The following ANKRD16 variants were observed in gnomAD, a reference collection of about 807,000 sequenced individuals.
ANKRD16 encodes ankyrin repeat domain 16.
A neutral mutation model predicts 37.9 loss-of-function variants in ANKRD16; 35 were observed. The ratio of observed to expected loss-of-function variants is 0.92; its 90% CI spans 0.71 to 1.23. The LOEUF is 1.23. Among genes scored for constraint, ANKRD16 ranks in the 50% most tolerant of loss-of-function variants. The probability of loss-of-function intolerance (pLI) is 0.00; values close to 1 mark genes in which losing one functional copy is unlikely to be tolerated. For missense variants in ANKRD16, 480 were observed against 469.9 expected (o/e 1.02, Z -0.20); for synonymous variants, 206 against 197.2 (o/e 1.04, Z -0.37).
chr10:5,882,416 C>T (rs932439439), intron 5 of ANKRD16, among the ~76,000 whole-genome samples: 9 of 151,566 alleles, frequency 5.9e-5, no homozygotes, highest in Non-Finnish European at 1.2e-4. Context: ...GTGGCAGGCA[C>T]CTGTAATCCA....
chr10:5,872,911 A>C (rs1350829178), intron 7 of ANKRD16, among the ~76,000 whole-genome samples: 1 of 151,136 alleles, frequency 6.6e-6, no homozygotes, highest in Admixed American at 6.6e-5. Context: ...CCCAGGCTGG[A>C]GTGCAGTGGT....
rs1842040412 is a variant in ANKRD16 at position 5,868,010 on chromosome 10, A to G, written c.*34-5319T>C. Among the ~76,000 whole-genome samples, 1 of 152,204 alleles carries G rather than the reference A, an allele frequency of 6.6e-6. No homozygotes were observed. Among genetic ancestry groups the G allele is most frequent in the Non-Finnish European group, 1.5e-5 (1 of 68,036 alleles). On this transcript the variant is annotated intron_variant, in intron 7 of 7. Transcript: ENST00000380094. The surrounding 1 kb of genome is among the most constrained non-coding windows in gnomAD (Gnocchi z 4.9). ...AGATGCCGCCTGGCGTTTACAGGAA[A>G]AGGCTTCTGAAATCAGACAACGCCT...
intron 1 of ANKRD16, among the ~76,000 whole-genome samples, chr10:5,888,620 G>A (rs1220019840): frequency 1.3e-5 from 2 of 152,254 alleles, no homozygotes; most frequent in South Asian, 2.1e-4. Flanking sequence ...ACACACGAGC[G>A]CGTGTATAAC....
At chr10:5,884,209 T>A in intron 3 of ANKRD16, 132 bp from the exon 4 acceptor site, 1 of 660,742 alleles carries the variant, frequency 1.5e-6, no homozygotes, top group Non-Finnish European at 2.6e-6. Flanking sequence ...CTCTCTATTC[T>A]CCCCCATCTC....
chr10:5,877,734 C>T (rs548285014), intron 7 of ANKRD16, among the ~76,000 whole-genome samples: 102 of 152,304 alleles, frequency 6.7e-4, no homozygotes, highest in African/African-American at 2.4e-3. Flanking sequence ...TTATCACAGC[C>T]TTACCATGCA....
At position 5,862,543 on chromosome 10, in the gene ANKRD16, TG is replaced by T. The variant is rs1171735480; in HGVS notation, c.*181del. The T allele has an allele frequency of 4.1e-6, 5 of 1,222,204 alleles. No individual in the cohort carries two copies. Among genetic ancestry groups the T allele is most frequent in the Non-Finnish European group, 5.4e-6 (5 of 929,986 alleles). 75.7% of individuals were successfully genotyped at this position (1,222,204 alleles called of 1,614,324 possible). On this transcript the variant is annotated 3_prime_UTR_variant, in exon 8 of 8. Transcript: ENST00000380094. The surrounding 1 kb of genome is among the most constrained non-coding windows in gnomAD (Gnocchi z 6.5). ...GCAGATGTGGCACTGACTTCACCAC[TG>T]GTACACCTCAGATATACAACTTTGA...
chr10:5,880,728 T>G (rs1421917095), intron 5 of ANKRD16, among the ~76,000 whole-genome samples: 1 of 152,226 alleles, frequency 6.6e-6, no homozygotes, highest in Non-Finnish European at 1.5e-5. Context: ...AGTAGCTACC[T>G]GTGGAAATAT....
Position 5,862,896 on chromosome 10 carries a change from A to G in ANKRD16, c.*34-205T>C, listed in dbSNP as rs1564411992. ...GGGAGGCTGGCGCTAGATAGTAACAAGCTGTGTGTTTTGGGCATTTCCCCT... is the reference window on the plus strand; with the variant it reads ...GGGAGGCTGGCGCTAGATAGTAACAGGCTGTGTGTTTTGGGCATTTCCCCT... On this transcript the variant is annotated intron_variant, in intron 7 of 7. Coordinates refer to ENST00000380094, the MANE Select transcript of ANKRD16 (RefSeq NM_019046.3). This position sits in a 1 kb window ranked among gnomAD's most constrained non-coding sequence, Gnocchi z 6.5. Among the ~76,000 whole-genome samples the G allele has an allele frequency of 6.6e-6, 1 of 152,090 alleles. No homozygotes were observed. The highest frequency in any genetic ancestry group is 1.5e-5 in the Non-Finnish European group (1 of 68,022).
chr10:5,862,491 C>A lies in ANKRD16; in HGVS notation c.*234G>T. ...ATCAGCAACCATTTTTGGAGACAGA[C>A]CCAGGGAGCTGACCTTGGGGGCCAG... On this transcript the variant is annotated 3_prime_UTR_variant, in exon 8 of 8. Transcript: ENST00000380094. This position sits in a 1 kb window ranked among gnomAD's most constrained non-coding sequence, Gnocchi z 6.5. 1 of 717,062 alleles carries A rather than the reference C, an allele frequency of 1.4e-6. No individual in the cohort carries two copies. The highest frequency in any genetic ancestry group is 1.5e-5 in the South Asian group (1 of 65,448). The allele number at this position is 717,062 out of a possible 1,614,324, so 44.4% of individuals were successfully genotyped here.
intron 7 of ANKRD16, among the ~76,000 whole-genome samples, chr10:5,877,000 C>T (rs1013220358): frequency 9.2e-5 from 14 of 152,194 alleles, no homozygotes; most frequent in African/African-American, 3.4e-4. Context: ...TTCCTTAAGT[C>T]ACAGGCTTCC....
At chr10:5,887,708 C>CCCCA in intron 2 of ANKRD16, 139 bp downstream of exon 2, 1 of 193,390 alleles carries the variant, frequency 5.2e-6, no homozygotes, top group South Asian at 9.6e-5. Flanking sequence ...CCCTCCCCCC[C>CCCCA]AGATGTTCTT....
rs1292564860 is a variant in ANKRD16, at chr10:5,874,488, C to T, written c.*33+3609G>A. 2.0e-5 allele frequency among the ~76,000 whole-genome samples: 3 copies of T among 152,100 alleles called. No homozygotes were observed. Among genetic ancestry groups the T allele is most frequent in the African/African-American group, 7.2e-5 (3 of 41,406 alleles). On this transcript the variant is annotated intron_variant, in intron 7 of 7. Coordinates refer to ENST00000380094, the MANE Select transcript of ANKRD16 (RefSeq NM_019046.3). The surrounding 1 kb of genome is among the most constrained non-coding windows in gnomAD (Gnocchi z 4.7). ...AGAGTGAGAGAGCTTGGGCAGGAGT[C>T]GCAGTAGGGATGGTGTGGAACAGGC... is the stretch of plus-strand genomic sequence containing the variant.
In ANKRD16 at chr10:5,870,360, C is replaced by A. The variant is rs1407177351; in HGVS notation, c.*34-7669G>T. Among the ~76,000 whole-genome samples the A allele has an allele frequency of 6.6e-6, 1 of 151,520 alleles. No individual in the cohort carries two copies. Among genetic ancestry groups the A allele is most frequent in the East Asian group, 1.9e-4 (1 of 5,138 alleles). On this transcript the variant is annotated intron_variant, in intron 7 of 7. Coordinates refer to ENST00000380094, the MANE Select transcript of ANKRD16 (RefSeq NM_019046.3). The surrounding 1 kb of genome is among the most constrained non-coding windows in gnomAD (Gnocchi z 5.0). ...GTTGGCTCTTGGCCTCTCTTCCCTG[C>A]GACTCTGCCCGGGCACCAGCCAGTC...
In ANKRD16 at chr10:5,883,258, G is replaced by A. The variant is rs1045950160; in HGVS notation, c.688-91C>T. Reference sequence around the variant, plus strand: ...CATCTGCTGGCACTTCAGCAAAACTGAGCTGTTTACGCACAACTCTCTGGG... The same window carrying A: ...CATCTGCTGGCACTTCAGCAAAACTAAGCTGTTTACGCACAACTCTCTGGG... On this transcript the variant is annotated intron_variant, in intron 4 of 7. Coordinates refer to ENST00000380094, the MANE Select transcript of ANKRD16 (RefSeq NM_019046.3). 4.6e-5 allele frequency: 63 copies of A among 1,367,274 alleles called. No homozygotes were observed. In the African/African-American group the frequency reaches 8.7e-4, roughly 19 times the overall value. The allele number at this position is 1,367,274 out of a possible 1,614,324, so 84.7% of individuals were successfully genotyped here. A position where few individuals can be genotyped will look rare whatever the true frequency, so the allele number is the denominator to read the frequency against.
Position 5,889,258 on chromosome 10 carries a change from G to T in ANKRD16, c.97C>A (p.Pro33Thr). The T allele has an allele frequency of 6.7e-7, 1 of 1,494,706 alleles. No individual in the cohort carries two copies. The allele number at this position is 1,494,706 out of a possible 1,614,324, so 92.6% of individuals were successfully genotyped here. A position where few individuals can be genotyped will look rare whatever the true frequency, so the allele number is the denominator to read the frequency against. Residue 33 changes from proline to threonine, a missense_variant, in exon 1 of 8, where the codon CCG (proline) becomes ACG (threonine). Transcript: ENST00000380094. ...AGGAGGGTATCCCCGGCCGGCCCCG[G>T]GCAGCCCCCGGCCGCCTGCAGCTCC... ...KEELQAAGGC[P>T]GPAGDTLLHC...
In ANKRD16 at chr10:5,864,533, G is replaced by A. The variant is rs915797072; in HGVS notation, c.*34-1842C>T. Reference sequence around the variant, plus strand: ...CAGGGCAAACCTTCAATCTCACCTGGAGAGATGTCATGCTATTGCTAGATC... The same window carrying A: ...CAGGGCAAACCTTCAATCTCACCTGAAGAGATGTCATGCTATTGCTAGATC... On this transcript the variant is annotated intron_variant, in intron 7 of 7. Transcript: ENST00000380094. The surrounding 1 kb of genome is among the most constrained non-coding windows in gnomAD (Gnocchi z 4.4). Among the ~76,000 whole-genome samples the A allele has an allele frequency of 1.3e-5, 2 of 152,132 alleles. No individual in the cohort carries two copies. Among genetic ancestry groups the A allele is most frequent in the African/African-American group, 4.8e-5 (2 of 41,392 alleles).
rs370275005 is a variant in ANKRD16, at chr10:5,869,602, C to T, written c.*34-6911G>A. 2.6e-5 allele frequency among the ~76,000 whole-genome samples: 4 copies of T among 152,234 alleles called. No individual in the cohort carries two copies. The highest frequency in any genetic ancestry group is 9.6e-5 in the African/African-American group (4 of 41,536). On this transcript the variant is annotated intron_variant, in intron 7 of 7. Transcript: ENST00000380094. The surrounding 1 kb of genome is among the most constrained non-coding windows in gnomAD (Gnocchi z 4.0). ...AAGACAGCTTGGTGTTTCCCAGCAC[C>T]AAGGGCCCCAGCTCCTGCTCAGCAC...
At chr10:5,888,969 G>A in intron 1 of ANKRD16, 72 bp downstream of exon 1, 1 of 1,414,108 alleles carries the variant, frequency 7.1e-7, no homozygotes, top group Non-Finnish European at 9.3e-7. Context: ...CAAGGGGACG[G>A]AGAAGCACAG....
chr10:5,888,949 C>T, intron 1 of ANKRD16, 92 bp downstream of exon 1: 6 of 1,342,868 alleles, frequency 4.5e-6, no homozygotes, highest in Non-Finnish European at 3.9e-6. Flanking sequence ...CTGAGAACAG[C>T]TACGGTGTCC....
Sources: gnomAD v4.1 joint callset for allele counts (sites outside exome capture counted in the v4.1 genomes callset) on GRCh38, gnomAD v4.1.1 for gene constraint, Gnocchi (gnomAD v3.1) non-coding constraint, MANE v1.5 for transcripts, NCBI Gene and HGNC (gene_info 2026-07-23, HGNC 2026-07-21) for gene names.